The following TIAM1 variants were observed in gnomAD, a reference collection of about 807,000 sequenced individuals.
TIAM1 encodes the protein rho guanine nucleotide exchange factor TIAM1.
TIAM1 carries 65 observed loss-of-function variants against 163.5 expected under a neutral mutation model. The ratio of observed to expected loss-of-function variants is 0.40; its 90% CI spans 0.33 to 0.49. TIAM1 has a LOEUF of 0.49. Among genes scored for constraint, TIAM1 ranks in the 20% least tolerant of loss-of-function variants. The pLI, the probability that TIAM1 is intolerant of heterozygous loss-of-function variation, is 0.77. For synonymous variants in TIAM1, 833 were observed against 810.1 expected, an observed-to-expected ratio of 1.03 and a Z score of -0.48; for missense variants, 1,789 against 2,044.7, an observed-to-expected ratio of 0.87 and a Z score of 2.41.
At chr21:31,215,498 T>C (rs1322431036) in intron 9 of TIAM1, among the ~76,000 whole-genome samples, 2 of 148,028 alleles carry the variant, frequency 1.4e-5, no homozygotes, top group Non-Finnish European at 3.0e-5. Context: ...GAGGCGGAGA[T>C]TGCAATGAGC....
chr21:31,449,143 T>G (rs1006909636), intron 2 of TIAM1, among the ~76,000 whole-genome samples: 1 of 151,994 alleles, frequency 6.6e-6, no homozygotes, highest in Non-Finnish European at 1.5e-5. Context: ...TTTTGTATTT[T>G]TTGTAAAGAT....
chr21:31,279,326 A>C (rs1233523130), intron 2 of TIAM1, among the ~76,000 whole-genome samples: 3 of 152,230 alleles, frequency 2.0e-5, no homozygotes. Flanking sequence ...AGATATGCTA[A>C]GGTCACAATG....
intron 2 of TIAM1, among the ~76,000 whole-genome samples, chr21:31,411,422 A>G (rs1377952100): frequency 1.3e-5 from 2 of 152,048 alleles, no homozygotes; most frequent in Non-Finnish European, 2.9e-5. Flanking sequence ...CAGAGGTGCA[A>G]AAGCAGCCGT....
At chr21:31,234,097 T>A (rs58563114) in intron 6 of TIAM1, among the ~76,000 whole-genome samples, 4 of 151,950 alleles carry the variant, frequency 2.6e-5, no homozygotes, top group Non-Finnish European at 5.9e-5. Context: ...CAGTCAAGGA[T>A]CACCAGACAT....
intron 1 of TIAM1, among the ~76,000 whole-genome samples, chr21:31,521,552 A>C (rs910850237): frequency 9.2e-5 from 14 of 152,152 alleles, no homozygotes; most frequent in African/African-American, 3.4e-4. Context: ...CCTGGGTAAT[A>C]TAGCAATACC....
chr21:31,185,599 T>C (rs976002494), intron 14 of TIAM1, among the ~76,000 whole-genome samples: 17 of 144,196 alleles, frequency 1.2e-4, no homozygotes, highest in African/African-American at 4.3e-4. Context: ...TTATATATCA[T>C]ATAGCTATAT....
At chr21:31,348,276 T>G (rs1197515009), upstream of TIAM1, among the ~76,000 whole-genome samples, 1 of 152,156 alleles carries the variant, frequency 6.6e-6, no homozygotes, top group Non-Finnish European at 1.5e-5. Flanking sequence ...TTTGAAGCCA[T>G]CAGCCACAAT....
At chr21:31,125,650 T>C (rs1347307175) in intron 26 of TIAM1, among the ~76,000 whole-genome samples, 4 of 152,148 alleles carry the variant, frequency 2.6e-5, no homozygotes, top group African/African-American at 4.8e-5. Context: ...TCTTGGCTCA[T>C]TGCAACCTCC....
At chr21:31,160,773 A>T (rs1207261939) in intron 16 of TIAM1, 1 of 348,560 alleles carries the variant, frequency 2.9e-6, no homozygotes, top group Non-Finnish European at 5.1e-6. Context: ...CCCTCTGGGA[A>T]GCTGTCAAAG....
At chr21:31,312,189 AGT>A (rs1365920497) in intron 2 of TIAM1, among the ~76,000 whole-genome samples, 1 of 152,240 alleles carries the variant, frequency 6.6e-6, no homozygotes, top group Non-Finnish European at 1.5e-5. Flanking sequence ...ACCTTGTGAC[AGT>A]GTGAGTCAAT....
At position 31,210,594 on chromosome 21, in the gene TIAM1, G is replaced by GAAAGAAAGAA. The variant is rs745349921; in HGVS notation, c.2218-380_2218-379insTTCTTTCTTT. ...AGAAAGAAAGAAAGAAAGAAAGAAA[G>GAAAGAAAGAA]AGAGAAAGAAGGAAGGAAGGGAGAA... On this transcript the variant is annotated intron_variant, in intron 10 of 27. Coordinates refer to ENST00000541036, the MANE Select transcript of TIAM1 (RefSeq NM_001353694.2). Among the ~76,000 whole-genome samples, 54 of 94,636 alleles carry GAAAGAAAGAA rather than the reference G, an allele frequency of 5.7e-4. 3 individuals carry two copies. Among genetic ancestry groups the GAAAGAAAGAA allele is most frequent in the African/African-American group, 3.0e-3 (48 of 15,944 alleles). The allele number at this position is 94,636 out of a possible 152,430, so 62.1% of individuals were successfully genotyped here.
At chr21:31,407,412 A>C (rs942991895) in intron 2 of TIAM1, among the ~76,000 whole-genome samples, 1 of 152,100 alleles carries the variant, frequency 6.6e-6, no homozygotes, top group African/African-American at 2.4e-5. Context: ...ACCTCGGCAA[A>C]GATCCCAACA....
chr21:31,304,801 T>C (rs2146967353), intron 2 of TIAM1, among the ~76,000 whole-genome samples: 1 of 152,362 alleles, frequency 6.6e-6, no homozygotes, highest in Admixed American at 6.5e-5. Context: ...TAAGCGATTC[T>C]CGTGCCGCAG....
intron 2 of TIAM1, among the ~76,000 whole-genome samples, chr21:31,286,351 C>A (rs1052531101): frequency 1.3e-5 from 2 of 152,014 alleles, no homozygotes; most frequent in Admixed American, 1.3e-4. Flanking sequence ...ACGACTTGGG[C>A]CCAGGAGTTC....
intron 16 of TIAM1, among the ~76,000 whole-genome samples, chr21:31,156,966 T>C (rs972425696): frequency 6.6e-6 from 1 of 152,228 alleles, no homozygotes; most frequent in African/African-American, 2.4e-5. Flanking sequence ...AAGCTACTGC[T>C]CATAGCAAAT....
intron 2 of TIAM1, among the ~76,000 whole-genome samples, chr21:31,290,647 A>AG (rs1047378379): frequency 3.7e-4 from 8 of 21,352 alleles, no homozygotes; most frequent in Non-Finnish European, 4.3e-4. Flanking sequence ...ACTCTATCTC[A>AG]AAAAAAAAAA....
chr21:31,395,696 G>A lies in TIAM1; in HGVS notation c.-368-56274C>T, dbSNP rs751312288. Among the ~76,000 whole-genome samples the A allele has an allele frequency of 3.9e-4, 59 of 152,136 alleles. No homozygotes were observed. Among genetic ancestry groups the A allele is most frequent in the Admixed American group, 5.9e-4 (9 of 15,272 alleles). On this transcript the variant is annotated intron_variant, in intron 2 of 28. Transcript: ENST00000286827. The surrounding 1 kb of genome is among the most constrained non-coding windows in gnomAD (Gnocchi z 7.5). ...AATATTGACTAAAACATCTATCTTG[G>A]GGAGGGGGCGCATGCGTTCCCCTGG...
chr21:31,513,865 G>A (rs1213663350), intron 1 of TIAM1, among the ~76,000 whole-genome samples: 7 of 151,936 alleles, frequency 4.6e-5, no homozygotes, highest in Admixed American at 4.6e-4. Context: ...AAATTAGCCG[G>A]GCATGGTGGC....
chr21:31,143,482 A>T (rs2082956791), intron 20 of TIAM1, among the ~76,000 whole-genome samples: 1 of 151,518 alleles, frequency 6.6e-6, no homozygotes. Flanking sequence ...ACACACACGT[A>T]TATTTTATTA....
Sources: allele counts gnomAD v4.1 joint callset (sites outside exome capture counted in the v4.1 genomes callset), GRCh38; gene constraint gnomAD v4.1.1; non-coding constraint Gnocchi (gnomAD v3.1); transcripts MANE v1.5; gene names NCBI Gene and HGNC (gene_info 2026-07-23, HGNC 2026-07-21).